The following ZNF33B variants were observed in gnomAD, a reference collection of about 807,000 sequenced individuals.
The protein encoded by ZNF33B is zinc finger protein 33B.
In ZNF33B, 29 loss-of-function variants were observed where a neutral mutation model predicts 45.8. The observed-to-expected ratio is 0.63, with a 90% confidence interval of 0.47 to 0.86. The LOEUF (loss-of-function observed/expected upper bound fraction) is 0.86, where lower values mean the gene tolerates loss of function less well. ZNF33B is among the 40% of genes least tolerant of loss of function. The probability of loss-of-function intolerance (pLI) is 0.00; values close to 1 mark genes in which losing one functional copy is unlikely to be tolerated. For missense variants in ZNF33B, 831 were observed against 909.9 expected (o/e 0.91, Z 1.12); for synonymous variants, 305 against 307.8 (o/e 0.99, Z 0.10).
chr10:42,633,825 C>T (rs1213924720), intron 2 of ZNF33B, among the ~76,000 whole-genome samples: 1 of 151,978 alleles, frequency 6.6e-6, no homozygotes. Flanking sequence ...AAAAATTAGC[C>T]AGGCGTGGTG....
chr10:42,597,152 T>C (rs1460905921), intron 4 of ZNF33B, among the ~76,000 whole-genome samples: 1 of 152,128 alleles, frequency 6.6e-6, no homozygotes, highest in Non-Finnish European at 1.5e-5. Context: ...TTCTCGCATA[T>C]GTTGAAATGG....
Position 42,617,092 on chromosome 10 carries a change from C to CTTTTTTTTTTTTT in ZNF33B, c.250+14824_250+14836dup, listed in dbSNP as rs199977911. Among the ~76,000 whole-genome samples, 31 of 61,206 alleles carry CTTTTTTTTTTTTT rather than the reference C, an allele frequency of 5.1e-4. 3 individuals are homozygous for CTTTTTTTTTTTTT. The highest frequency in any genetic ancestry group is 9.1e-4 in the Non-Finnish European group (29 of 31,932). 40.2% of individuals were successfully genotyped at this position (61,206 alleles called of 152,430 possible). A position where few individuals can be genotyped will look rare whatever the true frequency, so the allele number is the denominator to read the frequency against. ...TTGAAGAAAATTGTTCATTTTTTCT[C>CTTTTTTTTTTTTT]TTTTTTTTTTTTTTTTTTTTTTTTT... On this transcript the variant is annotated intron_variant, in intron 4 of 4. Transcript: ENST00000359467.
intron 4 of ZNF33B, among the ~76,000 whole-genome samples, chr10:42,627,192 C>T (rs775073814): frequency 2.0e-5 from 3 of 152,050 alleles, no homozygotes; most frequent in Admixed American, 6.6e-5. Flanking sequence ...TTAGAAGAGA[C>T]GGAGTTTCAC....
At chr10:42,586,155 T>C (rs1217405728), downstream of ZNF33B, among the ~76,000 whole-genome samples, 1 of 148,032 alleles carries the variant, frequency 6.8e-6, no homozygotes, top group African/African-American at 2.5e-5. Flanking sequence ...CTCAGATTTT[T>C]TTTTTTTTTT....
intron 4 of ZNF33B, among the ~76,000 whole-genome samples, chr10:42,627,606 G>GA (rs1838867181): frequency 6.6e-6 from 1 of 152,046 alleles, no homozygotes; most frequent in Non-Finnish European, 1.5e-5. Flanking sequence ...TCTTAAGGTA[G>GA]AAAGTCAATT....
At chr10:42,609,717 T>C (rs1838024005) in intron 4 of ZNF33B, among the ~76,000 whole-genome samples, 1 of 152,138 alleles carries the variant, frequency 6.6e-6, no homozygotes, top group South Asian at 2.1e-4. Context: ...TTACATACAA[T>C]GATCAAAGGG....
chr10:42,624,471 C>T (rs182430941), intron 4 of ZNF33B, among the ~76,000 whole-genome samples: 12 of 152,280 alleles, frequency 7.9e-5, no homozygotes, highest in African/African-American at 2.4e-4. Flanking sequence ...TTCCAAGACG[C>T]CCAGTGGAAG....
intron 4 of ZNF33B, among the ~76,000 whole-genome samples, chr10:42,615,051 A>G (rs1838255362): frequency 6.6e-6 from 1 of 152,204 alleles, no homozygotes; most frequent in Non-Finnish European, 1.5e-5. Flanking sequence ...TGGTATAATA[A>G]ATAATAACAA....
chr10:42,619,945 C>G (rs209382), intron 4 of ZNF33B, among the ~76,000 whole-genome samples: 1 of 151,848 alleles, frequency 6.6e-6, no homozygotes, highest in African/African-American at 2.4e-5. Flanking sequence ...CAGGTGTGGT[C>G]GGCTCATGCC....
Position 42,626,722 on chromosome 10 carries a change from T to TAAAA in ZNF33B, c.250+5203_250+5206dup, listed in dbSNP as rs869297218. On this transcript the variant is annotated intron_variant, in intron 4 of 4. Transcript: ENST00000359467. Reference sequence around the variant, plus strand: ...ATAAATAAATAAATAAATAAATAAATAAAATAAAGAAATGTTCCTGCTTCT... The same window carrying TAAAA: ...ATAAATAAATAAATAAATAAATAAATAAAAAAAATAAAGAAATGTTCCTGCTTCT... Among the ~76,000 whole-genome samples the TAAAA allele has an allele frequency of 3.7e-4, 53 of 142,070 alleles. No homozygotes were observed. In the South Asian group the frequency reaches 6.0e-3, roughly 16 times the overall value. 93.2% of individuals were successfully genotyped at this position (142,070 alleles called of 152,430 possible).
intron 4 of ZNF33B, among the ~76,000 whole-genome samples, chr10:42,607,894 T>C (rs1837932927): frequency 6.6e-6 from 1 of 152,136 alleles, no homozygotes; most frequent in Non-Finnish European, 1.5e-5. Context: ...AAGGGAATGA[T>C]TTGAAAATCC....
chr10:42,602,865 T>C (rs1349141293), intron 4 of ZNF33B, among the ~76,000 whole-genome samples: 1 of 143,102 alleles, frequency 7.0e-6, no homozygotes, highest in Non-Finnish European at 1.6e-5. Context: ...ATGAGCTGAT[T>C]AGTACTTTGC....
rs199977911 is a variant in ZNF33B, at chr10:42,617,092, C to CTTTTTTTTTTTT, written c.250+14825_250+14836dup. ...TTGAAGAAAATTGTTCATTTTTTCT[C>CTTTTTTTTTTTT]TTTTTTTTTTTTTTTTTTTTTTTTT... On this transcript the variant is annotated intron_variant, in intron 4 of 4. Transcript: ENST00000359467. 2.9e-4 allele frequency among the ~76,000 whole-genome samples: 18 copies of CTTTTTTTTTTTT among 61,208 alleles called. 3 individuals carry two copies. The highest frequency in any genetic ancestry group is 4.8e-4 in the East Asian group (1 of 2,074). The allele number at this position is 61,208 out of a possible 152,430, so 40.2% of individuals were successfully genotyped here.
chr10:42,607,577 A>T (rs1837916631), intron 4 of ZNF33B, among the ~76,000 whole-genome samples: 1 of 152,196 alleles, frequency 6.6e-6, no homozygotes, highest in South Asian at 2.1e-4. Flanking sequence ...CAGAAATAAA[A>T]GGAATAGAGT....
chr10:42,623,455 G>A (rs1564522269), intron 4 of ZNF33B, among the ~76,000 whole-genome samples: 1 of 152,196 alleles, frequency 6.6e-6, no homozygotes, highest in Non-Finnish European at 1.5e-5. Context: ...GCCAAAAGGT[G>A]TACGACCCAA....
intron 1 of ZNF33B, among the ~76,000 whole-genome samples, chr10:42,578,892 G>A (rs560649404): frequency 8.5e-5 from 13 of 152,310 alleles, no homozygotes; most frequent in Middle Eastern, 3.4e-3. Flanking sequence ...AAATGTTGGC[G>A]GATTTTTTGT....
Position 42,594,303 on chromosome 10 carries a change from TC to T in ZNF33B, c.646del (p.Asp216ThrfsTer71). 6.2e-7 allele frequency: 1 copy of T among 1,613,906 alleles called. No individual in the cohort carries two copies. Among genetic ancestry groups the T allele is most frequent in the Non-Finnish European group, 8.5e-7 (1 of 1,179,914 alleles). On this transcript the variant is annotated frameshift_variant, in exon 5 of 5. Coordinates refer to ENST00000359467, the MANE Select transcript of ZNF33B (RefSeq NM_006955.3). LOFTEE classifies it low-confidence loss of function (END_TRUNC). ...ACATATACTGTATTCAAAATTGTGG[TC>T]TAAAGTTTGAATCTTCTCATGCTGC... Reference protein sequence around the residue: ...TLQHEKIQTLDHNFEYSICQE... With the variant: ...TLQHEKIQTLXHNFEYSICQE...
At chr10:42,626,931 T>G (rs991565272) in intron 4 of ZNF33B, among the ~76,000 whole-genome samples, 2 of 152,118 alleles carry the variant, frequency 1.3e-5, no homozygotes, top group African/African-American at 4.8e-5. Context: ...ATTCAAATTA[T>G]CTATATCACC....
intron 4 of ZNF33B, among the ~76,000 whole-genome samples, chr10:42,609,797 G>A (rs552165357): frequency 6.6e-6 from 1 of 152,192 alleles, no homozygotes; most frequent in Admixed American, 6.5e-5. Context: ...AAGCAGAAAA[G>A]AAACAATAAC....
Sources: allele counts gnomAD v4.1 joint callset (sites outside exome capture counted in the v4.1 genomes callset), GRCh38; gene constraint gnomAD v4.1.1; transcripts MANE v1.5; gene names NCBI Gene and HGNC (gene_info 2026-07-23, HGNC 2026-07-21).